AGBL1: variants seen among roughly 807,000 people sequenced by gnomAD.
The protein encoded by AGBL1 is cytosolic carboxypeptidase 4.
In AGBL1, 130 loss-of-function variants were observed where a neutral mutation model predicts 118.9. The ratio of observed to expected loss-of-function variants is 1.09; its 90% CI spans 0.95 to 1.26. The LOEUF (loss-of-function observed/expected upper bound fraction) is 1.26, where lower values mean the gene tolerates loss of function less well. AGBL1 is among the 50% of genes most tolerant of loss of function. AGBL1 has a pLI of 0.00. For missense variants in AGBL1, 1,584 were observed against 1,298.1 expected (o/e 1.22, Z -3.38); for synonymous variants, 555 against 478.9 (o/e 1.16, Z -2.08).
chr15:86,826,286 A>T (rs1398273773), intron 22 of AGBL1, among the ~76,000 whole-genome samples: 2 of 152,178 alleles, frequency 1.3e-5, no homozygotes, highest in Admixed American at 1.3e-4. Context: ...GCCAGAGAGT[A>T]GAAGATAATC....
chr15:86,669,075 C>A lies in AGBL1; in HGVS notation c.2995-5198C>A, dbSNP rs146566563. ...CAACTGAAGAAAAGAGCGCTAACACCAATCTACAAAAACAGACTTTAATGT... is the reference window on the plus strand; with the variant it reads ...CAACTGAAGAAAAGAGCGCTAACACAAATCTACAAAAACAGACTTTAATGT... On this transcript the variant is annotated intron_variant, in intron 21 of 22. Transcript: ENST00000614907. Among the ~76,000 whole-genome samples the A allele has an allele frequency of 4.3e-4, 65 of 151,964 alleles. No homozygotes were observed. In the East Asian group the frequency reaches 0.012, roughly 29 times the overall value.
chr15:86,819,335 T>A (rs2078907746), intron 22 of AGBL1, among the ~76,000 whole-genome samples: 1 of 152,030 alleles, frequency 6.6e-6, no homozygotes, highest in African/African-American at 2.4e-5. Flanking sequence ...ATTAAGTGAT[T>A]ACTATGTTCC....
chr15:86,920,201 G>C (rs1024596355), downstream of AGBL1, among the ~76,000 whole-genome samples: 1 of 152,158 alleles, frequency 6.6e-6, no homozygotes, highest in African/African-American at 2.4e-5. Context: ...TCTGAATTCA[G>C]TTCCTTGTGG....
At chr15:87,014,320 T>C (rs912335601) in intron 24 of AGBL1, among the ~76,000 whole-genome samples, 8 of 152,198 alleles carry the variant, frequency 5.3e-5, no homozygotes, top group Non-Finnish European at 1.0e-4. Flanking sequence ...ATTTTCCCTC[T>C]CTTAATTCTA....
chr15:86,154,596 T>C (rs762265930), intron 4 of AGBL1, 35 bp downstream of exon 4: 1 of 1,579,868 alleles, frequency 6.3e-7, no homozygotes, highest in Non-Finnish European at 8.6e-7. Context: ...GGGGATGGCT[T>C]CCAAACCTGG....
At chr15:86,141,187 A>G (rs1049089872) in intron 1 of AGBL1, among the ~76,000 whole-genome samples, 15 of 152,314 alleles carry the variant, frequency 9.8e-5, no homozygotes, top group Non-Finnish European at 1.9e-4. Context: ...TCTCTTCTGT[A>G]TAACAGAGGA....
chr15:86,809,950 T>G (rs939917946), intron 22 of AGBL1, among the ~76,000 whole-genome samples: 1 of 152,128 alleles, frequency 6.6e-6, no homozygotes, highest in South Asian at 2.1e-4. Context: ...GGATAAATAA[T>G]TACCTCTAAC....
At chr15:86,833,335 G>A (rs778437184) in intron 22 of AGBL1, among the ~76,000 whole-genome samples, 4 of 152,116 alleles carry the variant, frequency 2.6e-5, no homozygotes, top group Non-Finnish European at 5.9e-5. Context: ...GTACCTCCCA[G>A]AATTCCCACG....
intron 2 of AGBL1, 109 bp from the exon 3 acceptor site, chr15:86,143,590 T>C: frequency 7.4e-7 from 1 of 1,358,028 alleles, no homozygotes; most frequent in Non-Finnish European, 1.0e-6. Flanking sequence ...TTTTACGTAG[T>C]TGAAATGAAC....
At chr15:86,314,823 A>G (rs2079975395) in intron 17 of AGBL1, among the ~76,000 whole-genome samples, 1 of 152,178 alleles carries the variant, frequency 6.6e-6, no homozygotes, top group African/African-American at 2.4e-5. Context: ...GAATTCCATA[A>G]AAAGCCATGT....
chr15:86,537,507 C>T (rs11633666), intron 19 of AGBL1, among the ~76,000 whole-genome samples: 51,787 of 152,134 alleles, frequency 0.34, 9,282 homozygotes, highest in East Asian at 0.56. Flanking sequence ...CAGGAACTCA[C>T]TGCATAAGTG....
chr15:86,226,455 G>A (rs1456397118), intron 6 of AGBL1, among the ~76,000 whole-genome samples: 1 of 152,156 alleles, frequency 6.6e-6, no homozygotes, highest in African/African-American at 2.4e-5. Flanking sequence ...AGCCCAGAGA[G>A]CTGAGTAAGG....
At chr15:86,829,678 G>T (rs1423740603) in intron 22 of AGBL1, among the ~76,000 whole-genome samples, 5 of 152,160 alleles carry the variant, frequency 3.3e-5, no homozygotes, top group African/African-American at 1.2e-4. Flanking sequence ...GATTCTGGAA[G>T]AAATTAAACC....
intron 18 of AGBL1, among the ~76,000 whole-genome samples, chr15:86,457,171 T>TCTCTAA (rs2082271411): frequency 6.6e-6 from 1 of 151,976 alleles, no homozygotes; most frequent in African/African-American, 2.4e-5. Context: ...TATCTTTCTA[T>TCTCTAA]GTTTTTAAAA....
At chr15:86,487,516 T>C (rs1451543216) in intron 18 of AGBL1, among the ~76,000 whole-genome samples, 4 of 151,808 alleles carry the variant, frequency 2.6e-5, no homozygotes, top group Non-Finnish European at 5.9e-5. Context: ...TTCTTAGAAA[T>C]GCAGATACTT....
intron 15 of AGBL1, among the ~76,000 whole-genome samples, chr15:86,272,723 C>T (rs548942476): frequency 5.3e-5 from 8 of 152,240 alleles, no homozygotes; most frequent in Admixed American, 2.6e-4. Flanking sequence ...CTATAAGACA[C>T]AGAGCCAGGC....
intron 22 of AGBL1, among the ~76,000 whole-genome samples, chr15:86,890,344 T>A (rs1049147970): frequency 2.0e-5 from 3 of 152,088 alleles, no homozygotes; most frequent in Admixed American, 6.6e-5. Context: ...TAGGTTGTTT[T>A]TTCACTCTGA....
At chr15:86,679,733 T>C (rs1045264351) in intron 22 of AGBL1, among the ~76,000 whole-genome samples, 12 of 152,152 alleles carry the variant, frequency 7.9e-5, no homozygotes, top group South Asian at 2.1e-4. Context: ...CTATATTTTC[T>C]TAGCTTATTA....
chr15:86,648,132 G>A (rs2085315370), intron 21 of AGBL1, among the ~76,000 whole-genome samples: 1 of 152,142 alleles, frequency 6.6e-6, no homozygotes, highest in Non-Finnish European at 1.5e-5. Flanking sequence ...AGAAGTTAGT[G>A]GCATAATCTG....
Sources: gnomAD v4.1 joint callset for allele counts (sites outside exome capture counted in the v4.1 genomes callset) on GRCh38, gnomAD v4.1.1 for gene constraint, MANE v1.5 for transcripts, NCBI Gene and HGNC (gene_info 2026-07-23, HGNC 2026-07-21) for gene names.